CHD5: variants seen among roughly 807,000 people sequenced by gnomAD.
CHD5 encodes ATP-dependent chromatin remodeler CHD5.
In CHD5, 69 loss-of-function variants were observed where a neutral mutation model predicts 230.3. That is an observed-to-expected ratio of 0.30 (90% CI 0.25 to 0.37). CHD5 has a LOEUF of 0.37. Ranked by LOEUF, CHD5 falls within the 10% of genes least tolerant of loss-of-function variation. The probability of loss-of-function intolerance (pLI) is 1.00; values close to 1 mark genes in which losing one functional copy is unlikely to be tolerated. For missense variants in CHD5, 1,827 were observed against 2,622.8 expected (o/e 0.70, Z 6.63); for synonymous variants, 1,064 against 1,065.9 (o/e 1.00, Z 0.03).
chr1:6,142,636 C>G lies in CHD5; in HGVS notation c.2044-31G>C, dbSNP rs761597188. 1.3e-6 allele frequency: 2 copies of G among 1,584,990 alleles called. No homozygotes were observed. The highest frequency in any genetic ancestry group is 1.7e-6 in the Non-Finnish European group (2 of 1,165,190). On this transcript the variant is annotated intron_variant, in intron 13 of 41. Transcript: ENST00000262450. The surrounding 1 kb of genome is among the most constrained non-coding windows in gnomAD (Gnocchi z 5.2). ...GGGGAGGCAGCGGTTCAGACACGCC[C>G]CAGATCCTGGGCCACCAGAGTCCAC... is the stretch of plus-strand genomic sequence containing the variant.
chr1:6,138,051 G>T (rs1198060110), intron 15 of CHD5, among the ~76,000 whole-genome samples: 2 of 152,192 alleles, frequency 1.3e-5, no homozygotes, highest in African/African-American at 2.4e-5. Context: ...TCCCGGTGAG[G>T]ATCCCCACAC....
chr1:6,152,194 G>A (rs146517355), intron 6 of CHD5, among the ~76,000 whole-genome samples: 2 of 152,334 alleles, frequency 1.3e-5, no homozygotes, highest in African/African-American at 4.8e-5. Context: ...AGGCTAGAAG[G>A]GCCCTTGGAA....
chr1:6,155,797 A>C lies in CHD5; in HGVS notation c.388-80T>G, dbSNP rs1446018605. 9 of 1,098,208 alleles carry C rather than the reference A, an allele frequency of 8.2e-6. No homozygotes were observed. The East Asian group carries it at 2.1e-4, about 26-fold the overall frequency. The allele number at this position is 1,098,208 out of a possible 1,614,324, so 68.0% of individuals were successfully genotyped here. On this transcript the variant is annotated intron_variant, in intron 3 of 41. Transcript: ENST00000262450. The surrounding 1 kb of genome is among the most constrained non-coding windows in gnomAD (Gnocchi z 4.0). Reference sequence around the variant, plus strand: ...CCCATCCCCAGGGTCTCTGCCTAGGAGGCTTTGGCACAGGGGAAAGAGGAG... The same window carrying C: ...CCCATCCCCAGGGTCTCTGCCTAGGCGGCTTTGGCACAGGGGAAAGAGGAG...
At chr1:6,150,459 T>TGGATGGACGGACGGACGGACGGAC (rs1666986945) in intron 7 of CHD5, among the ~76,000 whole-genome samples, 1 of 144,408 alleles carries the variant, frequency 6.9e-6, no homozygotes, top group Non-Finnish European at 1.5e-5. Context: ...GATGGATGGA[T>TGGATGGACGGACGGACGGACGGAC]GGATGGACGG....
rs150733401 is a variant in CHD5 at position 6,146,327 on chromosome 1, C to G, written c.1687G>C (p.Gly563Arg). 7.7e-4 allele frequency: 1,248 copies of G among 1,614,154 alleles called. 1 individual carries two copies. Among genetic ancestry groups the G allele is most frequent in the Admixed American group, 1.5e-3 (89 of 60,022 alleles). Residue 563 changes from glycine (G) to arginine (R), a missense_variant, in exon 11 of 42, where the codon GGC (glycine) becomes CGC (arginine). This residue lies in a region of CHD5 where 657 missense variants were observed against 816.4 expected (regional missense o/e 0.80). Coordinates refer to ENST00000262450, the MANE Select transcript of CHD5 (RefSeq NM_015557.3). The surrounding 1 kb of genome is among the most constrained non-coding windows in gnomAD (Gnocchi z 5.1). Reference sequence around the variant, plus strand: ...TTGTTCTTCCTCTTCTCGCTCTTGCCGTCTTCATCCCCAGAGCCGTAGTCA... The same window carrying G: ...TTGTTCTTCCTCTTCTCGCTCTTGCGGTCTTCATCCCCAGAGCCGTAGTCA... ...PFDYGSGDED[G>R]KSEKRKNKDP...
chr1:6,102,144 C>T lies in CHD5; in HGVS notation c.*3330G>A. On this transcript the variant is annotated 3_prime_UTR_variant, in exon 42 of 42. Transcript: ENST00000262450. ...CACGGGCCAGTGGGGACCCTCCCTT[C>T]CTCTCCAGGGGTGCTTGGGCTCCAA... The T allele has an allele frequency of 3.4e-6, 1 of 298,234 alleles. No homozygotes were observed. The allele number at this position is 298,234 out of a possible 1,614,324, so 18.5% of individuals were successfully genotyped here. A position where few individuals can be genotyped will look rare whatever the true frequency, so the allele number is the denominator to read the frequency against.
At chr1:6,158,773 C>T (rs577538906) in intron 3 of CHD5, among the ~76,000 whole-genome samples, 71 of 152,032 alleles carry the variant, frequency 4.7e-4, no homozygotes, top group East Asian at 2.1e-3. Context: ...TTTGGGAGGC[C>T]GAGGCGGGCG....
At chr1:6,137,373 T>G (rs1163422298) in intron 15 of CHD5, among the ~76,000 whole-genome samples, 3 of 152,198 alleles carry the variant, frequency 2.0e-5, no homozygotes, top group African/African-American at 7.2e-5. Flanking sequence ...TCCCATAGTG[T>G]TGGGATTACA....
At chr1:6,179,228 CG>C (rs1667472726) in intron 1 of CHD5, among the ~76,000 whole-genome samples, 1 of 152,218 alleles carries the variant, frequency 6.6e-6, no homozygotes, top group Non-Finnish European at 1.5e-5. Context: ...GGGCTGGGAA[CG>C]GCCACCACCC....
At chr1:6,161,425 G>A (rs187694739) in intron 2 of CHD5, among the ~76,000 whole-genome samples, 90 of 152,238 alleles carry the variant, frequency 5.9e-4, no homozygotes, top group Middle Eastern at 3.4e-3. Flanking sequence ...TGGAAGCCCC[G>A]CTCCCTCTCC....
At chr1:6,179,150 A>T (rs1363386715) in intron 1 of CHD5, among the ~76,000 whole-genome samples, 1 of 152,202 alleles carries the variant, frequency 6.6e-6, no homozygotes, top group African/African-American at 2.4e-5. Flanking sequence ...TGAGAGAGAT[A>T]AAAGGAGAGA....
intron 2 of CHD5, among the ~76,000 whole-genome samples, chr1:6,166,569 C>T (rs923431169): frequency 3.3e-5 from 5 of 152,062 alleles, no homozygotes; most frequent in African/African-American, 2.4e-5. Context: ...CCCTGAACTC[C>T]GTGGGGACCA....
rs888102607 is a variant in CHD5 at position 6,121,363 on chromosome 1, G to A, written c.4780-126C>T. 16 of 1,500,280 alleles carry A rather than the reference G, an allele frequency of 1.1e-5. No homozygotes were observed. Among genetic ancestry groups the A allele is most frequent in the Middle Eastern group, 2.1e-4 (1 of 4,850 alleles). The allele number at this position is 1,500,280 out of a possible 1,614,324, so 92.9% of individuals were successfully genotyped here. ...GTCGCTTGCTCCTAGCCTGCTCCCC[G>A]CCGATTCAGAGCCCCGAAAAGGGAG... On this transcript the variant is annotated intron_variant, in intron 32 of 41. Coordinates refer to ENST00000262450, the MANE Select transcript of CHD5 (RefSeq NM_015557.3). The surrounding 1 kb of genome is among the most constrained non-coding windows in gnomAD (Gnocchi z 4.5).
intron 1 of CHD5, among the ~76,000 whole-genome samples, chr1:6,169,879 G>C (rs993463113): frequency 9.9e-5 from 15 of 152,076 alleles, no homozygotes; most frequent in Non-Finnish European, 1.8e-4. Context: ...CTCAGCCTCA[G>C]ACCCTCTGCC....
Position 6,131,794 on chromosome 1 carries a change from C to T in CHD5, c.3145-46G>A, listed in dbSNP as rs554223227. The T allele has an allele frequency of 2.5e-5, 33 of 1,305,372 alleles. No homozygotes were observed. Among genetic ancestry groups the T allele is most frequent in the South Asian group, 1.6e-4 (13 of 82,570 alleles). 80.9% of individuals were successfully genotyped at this position (1,305,372 alleles called of 1,614,324 possible). On this transcript the variant is annotated intron_variant, in intron 20 of 41. Transcript: ENST00000262450. The surrounding 1 kb of genome is among the most constrained non-coding windows in gnomAD (Gnocchi z 5.0). ...TGAGGAACTGCCAAGGAGCAAGGGGCCCCATGGGCCATGGGCGGGGACCCC... is the reference window on the plus strand; with the variant it reads ...TGAGGAACTGCCAAGGAGCAAGGGGTCCCATGGGCCATGGGCGGGGACCCC...
intron 18 of CHD5, 108 bp downstream of exon 18, chr1:6,135,122 G>T: frequency 7.7e-7 from 1 of 1,293,866 alleles, no homozygotes; most frequent in Non-Finnish European, 1.1e-6. Flanking sequence ...CATTAGCCGA[G>T]ACCTCAGTGA....
At chr1:6,124,357 C>T (rs1666519352) in intron 30 of CHD5, among the ~76,000 whole-genome samples, 160 bp downstream of exon 30, 1 of 151,848 alleles carries the variant, frequency 6.6e-6, no homozygotes, top group Non-Finnish European at 1.5e-5. Context: ...GCCCCTCACC[C>T]AGAAAGGCTT....
At chr1:6,153,083 G>T (rs1346031246) in intron 5 of CHD5, among the ~76,000 whole-genome samples, 1 of 152,234 alleles carries the variant, frequency 6.6e-6, no homozygotes, top group Non-Finnish European at 1.5e-5. Context: ...TACCTGGGGA[G>T]TAATGACCCA....
chr1:6,106,490 T>C lies in CHD5; in HGVS notation c.5762A>G (p.Gln1921Arg), dbSNP rs1414282727. The part of the protein sequence containing the change: ...TIQQGAFGSS[Q>R]MYSNNFGPNF... ...GGGCCCAAAGTTGTTGCTGTACATC[T>C]GGGAGGAGCCGAAAGCGCCCTGGAG... The change falls in exon 40 of 42, where the codon CAG becomes CGG. Residue 1921 changes from glutamine (Q) to arginine (R), a missense_variant. By Grantham distance (43) the Gln-to-Arg change is conservative. This residue lies in a region of CHD5 where 208 missense variants were observed against 302.0 expected (regional missense o/e 0.69). Coordinates refer to ENST00000262450, the MANE Select transcript of CHD5 (RefSeq NM_015557.3). The C allele has an allele frequency of 6.4e-7, 1 of 1,553,778 alleles. No individual in the cohort carries two copies. The highest frequency in any genetic ancestry group is 8.7e-7 in the Non-Finnish European group (1 of 1,148,814).
Sources: gnomAD v4.1 joint callset for allele counts (sites outside exome capture counted in the v4.1 genomes callset) on GRCh38, gnomAD v4.1.1 for gene constraint, gnomAD v4.1.1 regional missense constraint, Gnocchi (gnomAD v3.1) non-coding constraint, MANE v1.5 for transcripts, NCBI Gene and HGNC (gene_info 2026-07-23, HGNC 2026-07-21) for gene names.